Variants in TMEM87B observed in about 807,000 individuals in gnomAD.
The protein encoded by TMEM87B is transmembrane protein 87B.
A neutral mutation model predicts 80.3 loss-of-function variants in TMEM87B; 83 were observed. The ratio of observed to expected loss-of-function variants is 1.03; its 90% CI spans 0.87 to 1.24. The LOEUF (loss-of-function observed/expected upper bound fraction) is 1.24, where lower values mean the gene tolerates loss of function less well. Ranked by LOEUF, TMEM87B falls within the 50% of genes most tolerant of loss-of-function variation. The pLI, the probability that TMEM87B is intolerant of heterozygous loss-of-function variation, is 0.00. For missense variants in TMEM87B, 625 were observed against 674.4 expected (o/e 0.93, Z 0.81); for synonymous variants, 219 against 230.5 (o/e 0.95, Z 0.45).
intron 17 of TMEM87B, 65 bp downstream of exon 17, chr2:112,107,905 C>A: frequency 9.0e-7 from 1 of 1,112,892 alleles, no homozygotes; most frequent in Non-Finnish European, 1.3e-6. Context: ...GGATCGTTCT[C>A]ATCCTTTGTC....
At chr2:112,092,251 A>G (rs913082371) in intron 11 of TMEM87B, among the ~76,000 whole-genome samples, 8 of 152,190 alleles carry the variant, frequency 5.3e-5, no homozygotes, top group African/African-American at 1.9e-4. Flanking sequence ...TAAGGAGGTA[A>G]TTAGGGAAGA....
intron 18 of TMEM87B, among the ~76,000 whole-genome samples, chr2:112,113,381 G>C (rs1679973851): frequency 6.6e-6 from 1 of 152,228 alleles, no homozygotes; most frequent in African/African-American, 2.4e-5. Context: ...GAAGAAATCT[G>C]AAGTGTAAGA....
intron 14 of TMEM87B, 114 bp downstream of exon 14, chr2:112,098,812 G>A: frequency 3.3e-6 from 3 of 919,522 alleles, no homozygotes; most frequent in Non-Finnish European, 5.0e-6. Context: ...GGAGTATACA[G>A]TCAAGTAGGG....
At chr2:112,091,163 C>T (rs1190757840) in intron 10 of TMEM87B, among the ~76,000 whole-genome samples, 6 of 151,770 alleles carry the variant, frequency 4.0e-5, no homozygotes, top group African/African-American at 1.5e-4. Flanking sequence ...TGGCTTGAAC[C>T]TGGGAGGCAG....
chr2:112,056,087 G>C (rs1336238844), intron 1 of TMEM87B, among the ~76,000 whole-genome samples: 1 of 152,122 alleles, frequency 6.6e-6, no homozygotes, highest in Non-Finnish European at 1.5e-5. Context: ...GAATCTCTCG[G>C]CACATCTAGC....
intron 11 of TMEM87B, among the ~76,000 whole-genome samples, chr2:112,096,294 T>C (rs1247475453): frequency 6.6e-6 from 1 of 152,122 alleles, no homozygotes; most frequent in Non-Finnish European, 1.5e-5. Context: ...TACACAGCCC[T>C]CCCGAGAATC....
At chr2:112,106,274 A>G (rs1035698609) in intron 16 of TMEM87B, among the ~76,000 whole-genome samples, 199 bp downstream of exon 16, 6 of 152,166 alleles carry the variant, frequency 3.9e-5, no homozygotes, top group African/African-American at 1.2e-4. Context: ...TTCATTGTAG[A>G]TCTCACTTCT....
At chr2:112,061,773 A>G (rs1027074360) in intron 2 of TMEM87B, among the ~76,000 whole-genome samples, 2 of 152,246 alleles carry the variant, frequency 1.3e-5, no homozygotes, top group African/African-American at 4.8e-5. Flanking sequence ...ACTTATCTAA[A>G]GAAAGAATGG....
chr2:112,069,042 A>G (rs1678532639), intron 4 of TMEM87B, among the ~76,000 whole-genome samples: 1 of 150,064 alleles, frequency 6.7e-6, no homozygotes, highest in African/African-American at 2.5e-5. Context: ...AATACAAAAA[A>G]TTAGCCGGGC....
In TMEM87B at chr2:112,106,209, A is replaced by C. The variant is rs1462382711; in HGVS notation, c.1524+134A>C. 3 of 621,514 alleles carry C rather than the reference A, an allele frequency of 4.8e-6. No homozygotes were observed. In the African/African-American group the frequency reaches 5.7e-5, roughly 12 times the overall value. The allele number at this position is 621,514 out of a possible 1,614,324, so 38.5% of individuals were successfully genotyped here. On this transcript the variant is annotated intron_variant, in intron 16 of 18. Coordinates refer to ENST00000283206, the MANE Select transcript of TMEM87B (RefSeq NM_032824.3). Reference sequence around the variant, plus strand: ...AAGATTTTGTTGTTGTTGTTATAAAAATTAGTGTTGCCAAGTGCCAAGTAG... The same window carrying C: ...AAGATTTTGTTGTTGTTGTTATAAACATTAGTGTTGCCAAGTGCCAAGTAG...
chr2:112,076,839 GTT>G (rs1478581933), intron 5 of TMEM87B, among the ~76,000 whole-genome samples: 1 of 127,120 alleles, frequency 7.9e-6, no homozygotes, highest in Admixed American at 8.3e-5. Context: ...TTCCTTTTCT[GTT>G]TTGTGTGTGT....
At chr2:112,076,500 C>G (rs528285868) in intron 5 of TMEM87B, among the ~76,000 whole-genome samples, 10 of 151,820 alleles carry the variant, frequency 6.6e-5, no homozygotes, top group Non-Finnish European at 2.9e-5. Flanking sequence ...CCACCACACC[C>G]GGCTAATTTT....
intron 7 of TMEM87B, 103 bp from the exon 8 acceptor site, chr2:112,081,232 C>T (rs766652588): frequency 1.8e-5 from 26 of 1,428,500 alleles, no homozygotes; most frequent in Non-Finnish European, 2.4e-5. Context: ...ATTTCTGGTT[C>T]CAGAGTGACT....
chr2:112,060,425 A>G (rs1360675389), intron 2 of TMEM87B, among the ~76,000 whole-genome samples: 2 of 152,242 alleles, frequency 1.3e-5, no homozygotes, highest in Admixed American at 6.5e-5. Flanking sequence ...ATTCATGTAA[A>G]TGAATATAAC....
Position 112,110,892 on chromosome 2 carries a change from G to A in TMEM87B, c.1578-2007G>A, listed in dbSNP as rs560022872. 5.3e-5 allele frequency among the ~76,000 whole-genome samples: 8 copies of A among 152,278 alleles called. No individual in the cohort carries two copies. The East Asian group carries it at 9.7e-4, about 18-fold the overall frequency. ...TTTGAGCCCCTTCCGTGTAGCAGGT[G>A]CTGTGAACTTCTTCCAAGTCACTGG... On this transcript the variant is annotated intron_variant, in intron 17 of 18. Coordinates refer to ENST00000283206, the MANE Select transcript of TMEM87B (RefSeq NM_032824.3).
chr2:112,098,413 A>G (rs1267241698), intron 13 of TMEM87B, among the ~76,000 whole-genome samples, 182 bp from the exon 14 acceptor site: 1 of 152,228 alleles, frequency 6.6e-6, no homozygotes, highest in Non-Finnish European at 1.5e-5. Context: ...TGTAACATTA[A>G]ACAACCCTTT....
rs377748642 is a variant in TMEM87B, at chr2:112,074,899, C to T, written c.451-13C>T. On this transcript the variant is annotated splice_polypyrimidine_tract_variant and intron_variant, in intron 4 of 18. Coordinates refer to ENST00000283206, the MANE Select transcript of TMEM87B (RefSeq NM_032824.3). ...CAGCAGTATAAAATGGCATTATTTA[C>T]TCTTTTTTCCAGAATAAAGAACTAA... The T allele has an allele frequency of 6.4e-7, 1 of 1,560,796 alleles. No homozygotes were observed. The highest frequency in any genetic ancestry group is 1.2e-5 in the South Asian group (1 of 85,166).
At chr2:112,064,879 G>A (rs563509990) in intron 3 of TMEM87B, among the ~76,000 whole-genome samples, 1 of 151,918 alleles carries the variant, frequency 6.6e-6, no homozygotes, top group African/African-American at 2.4e-5. Flanking sequence ...TAATATATGG[G>A]TTTCCATATC....
intron 2 of TMEM87B, among the ~76,000 whole-genome samples, chr2:112,060,539 TC>T (rs1678219322): frequency 6.6e-6 from 1 of 151,930 alleles, no homozygotes; most frequent in South Asian, 2.1e-4. Flanking sequence ...AATGGATTTT[TC>T]TTTTTTTTTT....
Sources: gnomAD v4.1 joint callset for allele counts (sites outside exome capture counted in the v4.1 genomes callset) on GRCh38, gnomAD v4.1.1 for gene constraint, MANE v1.5 for transcripts, NCBI Gene and HGNC (gene_info 2026-07-23, HGNC 2026-07-21) for gene names.